The following ADGRL2 variants were observed in gnomAD, a reference collection of about 807,000 sequenced individuals.
ADGRL2 encodes calcium-independent alpha-latrotoxin receptor 2.
ADGRL2 carries 44 observed loss-of-function variants against 157.4 expected under a neutral mutation model. That is an observed-to-expected ratio of 0.28 (90% CI 0.22 to 0.36). The LOEUF (loss-of-function observed/expected upper bound fraction) is 0.36. Among genes scored for constraint, ADGRL2 ranks in the 10% least tolerant of loss-of-function variants. The pLI is 1.00. For missense variants in ADGRL2, 1,510 were observed against 1,768.9 expected (o/e 0.85, Z 2.63); for synonymous variants, 585 against 624.7 (o/e 0.94, Z 0.95).
At position 81,941,121 on chromosome 1, in the gene ADGRL2, C is replaced by A. The variant is rs188465582; in HGVS notation, c.398-913C>A. ...TTGTCATAATAATCTAACCATAATT[C>A]TTTCTTCCTTTTTCTCCTTGCCTAC... On this transcript the variant is annotated intron_variant, in intron 4 of 23. Coordinates refer to ENST00000686636, the MANE Select transcript of ADGRL2 (RefSeq NM_001366006.2). Among the ~76,000 whole-genome samples, 25 of 151,300 alleles carry A rather than the reference C, an allele frequency of 1.7e-4. No homozygotes were observed. The East Asian group carries it at 3.1e-3, about 19-fold the overall frequency.
chr1:81,732,131 A>T (rs555832012), intron 1 of ADGRL2, among the ~76,000 whole-genome samples: 4 of 152,306 alleles, frequency 2.6e-5, no homozygotes, highest in African/African-American at 9.6e-5. Flanking sequence ...TCACATATTC[A>T]TTATCTTGAC....
chr1:81,615,722 A>G (rs919882195), intron 3 of ADGRL2, among the ~76,000 whole-genome samples: 1 of 152,208 alleles, frequency 6.6e-6, no homozygotes, highest in African/African-American at 2.4e-5. Flanking sequence ...GTCCCATCTA[A>G]GTGATAGACA....
Position 81,755,528 on chromosome 1 carries a change from T to C in ADGRL2, c.-142-6283T>C, listed in dbSNP as rs1326997753. ...AGAGCATTCATGGATTCCCCATGTG[T>C]TTTACCTAAACTTGACTTGTTTTCA... On this transcript the variant is annotated intron_variant, in intron 1 of 20. Coordinates refer to the ADGRL2 transcript ENST00000359929. 4.0e-5 allele frequency among the ~76,000 whole-genome samples: 6 copies of C among 151,686 alleles called. No individual in the cohort carries two copies. The East Asian group carries it at 1.2e-3, about 30-fold the overall frequency.
intron 2 of ADGRL2, among the ~76,000 whole-genome samples, chr1:81,844,018 T>C (rs1431941335): frequency 6.6e-6 from 1 of 152,182 alleles, no homozygotes; most frequent in Non-Finnish European, 1.5e-5. Context: ...TTCACAACAG[T>C]CACCCAGCAG....
chr1:81,631,798 C>T (rs997582139), intron 3 of ADGRL2, among the ~76,000 whole-genome samples: 10 of 152,152 alleles, frequency 6.6e-5, no homozygotes, highest in Non-Finnish European at 2.9e-5. Context: ...TCGCCATTCT[C>T]ACTTCCCCCT....
At chr1:81,949,378 C>A (rs1650996465) in intron 6 of ADGRL2, among the ~76,000 whole-genome samples, 1 of 152,120 alleles carries the variant, frequency 6.6e-6, no homozygotes, top group African/African-American at 2.4e-5. Context: ...GCAAAAATAA[C>A]CTTTGAAAAT....
intron 1 of ADGRL2, among the ~76,000 whole-genome samples, chr1:81,807,059 A>G (rs942862907): frequency 6.6e-6 from 1 of 151,980 alleles, no homozygotes; most frequent in Admixed American, 6.6e-5. Flanking sequence ...CATCGTTACA[A>G]AAAAATGGTT....
At chr1:81,539,716 G>A (rs371650887) in intron 2 of ADGRL2, among the ~76,000 whole-genome samples, 50 of 151,322 alleles carry the variant, frequency 3.3e-4, no homozygotes, top group African/African-American at 1.0e-3. Flanking sequence ...TTTTTGCTCC[G>A]TCATTCTCAA....
rs569048278 is a variant in ADGRL2, at chr1:81,459,631, C to T, written c.-248+14542C>T. 2.0e-4 allele frequency among the ~76,000 whole-genome samples: 30 copies of T among 152,120 alleles called. No individual in the cohort carries two copies. The South Asian group carries it at 5.2e-3, about 26-fold the overall frequency. On this transcript the variant is annotated intron_variant, in intron 2 of 24. Coordinates refer to the ADGRL2 transcript ENST00000370721. ...TTATTGTAAATAATGTGGCAACAAACATGAGAGTCTTAATAATCTCTTTAA... is the reference window on the plus strand; with the variant it reads ...TTATTGTAAATAATGTGGCAACAAATATGAGAGTCTTAATAATCTCTTTAA...
At chr1:81,787,234 A>G (rs2087095422) in intron 2 of ADGRL2, among the ~76,000 whole-genome samples, 1 of 152,166 alleles carries the variant, frequency 6.6e-6, no homozygotes, top group African/African-American at 2.4e-5. Flanking sequence ...AGACTAATGC[A>G]GTCTGATTTA....
intron 2 of ADGRL2, among the ~76,000 whole-genome samples, chr1:81,885,652 A>T (rs762873447): frequency 3.3e-5 from 5 of 152,218 alleles, no homozygotes; most frequent in Non-Finnish European, 7.3e-5. Context: ...ACCAGAATGC[A>T]TGATAAGGCT....
At chr1:81,800,626 G>C (rs111231291), upstream of ADGRL2, 1 of 152,056 alleles carries the variant, frequency 6.6e-6, no homozygotes, top group African/African-American at 2.4e-5. Context: ...GCTCAGCCTC[G>C]GAGCGCCGCG....
intron 1 of ADGRL2, among the ~76,000 whole-genome samples, chr1:81,728,852 G>T (rs2084626798): frequency 6.6e-6 from 1 of 152,056 alleles, no homozygotes; most frequent in Non-Finnish European, 1.5e-5. Context: ...CTGTGCTCCA[G>T]TTCCGAATAA....
intron 2 of ADGRL2, among the ~76,000 whole-genome samples, chr1:81,764,189 CAAAAA>C (rs34716755): frequency 9.9e-6 from 1 of 101,510 alleles, no homozygotes; most frequent in Non-Finnish European, 1.9e-5. Context: ...GAGACTCTGT[CAAAAA>C]AAAAAAAAAA....
intron 18 of ADGRL2, chr1:81,980,813 T>C (rs747072678): frequency 4.2e-6 from 3 of 717,344 alleles, no homozygotes; most frequent in South Asian, 3.2e-5. Context: ...GTGTTTGTGA[T>C]GGCTACTATA....
intron 3 of ADGRL2, among the ~76,000 whole-genome samples, chr1:81,662,748 G>A (rs1229510135): frequency 1.3e-5 from 2 of 151,088 alleles, no homozygotes; most frequent in Non-Finnish European, 1.5e-5. Context: ...GTAGAGACGG[G>A]GTTTCACCAT....
chr1:81,807,831 A>C (rs2089352479), intron 1 of ADGRL2, among the ~76,000 whole-genome samples: 1 of 151,548 alleles, frequency 6.6e-6, no homozygotes, highest in Non-Finnish European at 1.5e-5. Context: ...GAAAAGGGAG[A>C]TCCTAATCAA....
intron 2 of ADGRL2, among the ~76,000 whole-genome samples, chr1:81,773,519 G>C (rs907898001): frequency 6.6e-6 from 1 of 152,126 alleles, no homozygotes; most frequent in Non-Finnish European, 1.5e-5. Context: ...AAAAAGGATT[G>C]CCCACAGTTA....
At chr1:81,915,089 A>G (rs1421817804) in intron 3 of ADGRL2, among the ~76,000 whole-genome samples, 1 of 152,136 alleles carries the variant, frequency 6.6e-6, no homozygotes, top group East Asian at 1.9e-4. Flanking sequence ...TCTGCCCTAT[A>G]GGATCCTTGG....
Sources: gnomAD v4.1 joint callset for allele counts (sites outside exome capture counted in the v4.1 genomes callset) on GRCh38, gnomAD v4.1.1 for gene constraint, MANE v1.5 for transcripts, NCBI Gene and HGNC (gene_info 2026-07-23, HGNC 2026-07-21) for gene names.